The following ITGA8 variants were observed in gnomAD, a reference collection of about 807,000 sequenced individuals.
ITGA8 encodes the protein integrin alpha-8.
In ITGA8, 91 loss-of-function variants were observed where a neutral mutation model predicts 142.3. The ratio of observed to expected loss-of-function variants is 0.64; its 90% CI spans 0.54 to 0.76. ITGA8 has a LOEUF of 0.76. Among genes scored for constraint, ITGA8 ranks in the 30% least tolerant of loss-of-function variants. The probability of loss-of-function intolerance (pLI) is 0.00; values close to 1 mark genes in which losing one functional copy is unlikely to be tolerated. For missense variants in ITGA8, 1,406 were observed against 1,327.7 expected (o/e 1.06, Z -0.92); for synonymous variants, 505 against 485.2 (o/e 1.04, Z -0.54).
chr10:15,591,405 A>ATATATTATATTATATTATATTATAT (rs3041564), intron 22 of ITGA8, among the ~76,000 whole-genome samples: 7 of 143,760 alleles, frequency 4.9e-5, no homozygotes, highest in African/African-American at 1.5e-4. Flanking sequence ...CTGTATTAAT[A>ATATATTATATTATATTATATTATAT]TATATTATAT....
At chr10:15,677,160 C>T (rs1834645758) in intron 6 of ITGA8, among the ~76,000 whole-genome samples, 1 of 152,096 alleles carries the variant, frequency 6.6e-6, no homozygotes, top group Non-Finnish European at 1.5e-5. Context: ...CAGGTATAGC[C>T]AGAGATGGGT....
chr10:15,708,021 G>A (rs558963538), intron 2 of ITGA8, among the ~76,000 whole-genome samples: 1 of 145,906 alleles, frequency 6.9e-6, no homozygotes, highest in Non-Finnish European at 1.5e-5. Flanking sequence ...CTTGACCTTC[G>A]CTTTCTTTTC....
chr10:15,709,672 T>C (rs1835328275), intron 2 of ITGA8, among the ~76,000 whole-genome samples: 1 of 152,180 alleles, frequency 6.6e-6, no homozygotes, highest in African/African-American at 2.4e-5. Flanking sequence ...CTGATTGCAG[T>C]ATAAATAGAC....
intron 23 of ITGA8, among the ~76,000 whole-genome samples, chr10:15,576,946 A>T (rs1373652963): frequency 6.6e-6 from 1 of 152,180 alleles, no homozygotes; most frequent in Non-Finnish European, 1.5e-5. Flanking sequence ...TTGGTTTGTC[A>T]TTATGCTATG....
In ITGA8 at chr10:15,548,408, C is replaced by T. The variant is rs78721642; in HGVS notation, c.2880+47G>A. ...GACTTCCCACTGAGCTTTTGTGAAG[C>T]AGCTCCCAGTGAGCAGTGTGTATGT... On this transcript the variant is annotated intron_variant, in intron 27 of 29. Coordinates refer to ENST00000378076, the MANE Select transcript of ITGA8 (RefSeq NM_003638.3). 15,038 of 1,291,282 alleles carry T rather than the reference C, an allele frequency of 0.012. 1,280 individuals carry two copies. The African/African-American group carries it at 0.19, about 17-fold the overall frequency. 80.0% of individuals were successfully genotyped at this position (1,291,282 alleles called of 1,614,324 possible). A position where few individuals can be genotyped will look rare whatever the true frequency, so the allele number is the denominator to read the frequency against.
chr10:15,620,078 G>T (rs1564377784), intron 13 of ITGA8, among the ~76,000 whole-genome samples: 1 of 152,234 alleles, frequency 6.6e-6, no homozygotes, highest in African/African-American at 2.4e-5. Flanking sequence ...GAATGGTATG[G>T]GTTGAAATAA....
At chr10:15,538,246 C>T (rs905694017) in intron 27 of ITGA8, among the ~76,000 whole-genome samples, 3 of 152,200 alleles carry the variant, frequency 2.0e-5, no homozygotes, top group African/African-American at 7.2e-5. Context: ...GGTGCAGTGG[C>T]TCATGCCTGT....
At chr10:15,669,544 T>C (rs1834467270) in intron 8 of ITGA8, among the ~76,000 whole-genome samples, 1 of 152,220 alleles carries the variant, frequency 6.6e-6, no homozygotes, top group East Asian at 1.9e-4. Context: ...CCATCCAGCT[T>C]TGTTCCATTG....
chr10:15,614,297 C>T (rs188057178), intron 14 of ITGA8, among the ~76,000 whole-genome samples: 6 of 152,178 alleles, frequency 3.9e-5, no homozygotes, highest in African/African-American at 1.4e-4. Context: ...GCTAAATACA[C>T]GAAGCAGGGT....
rs183592126 is a variant in ITGA8 at position 15,640,269 on chromosome 10, A to C, written c.1399+3761T>G. 6.5e-3 allele frequency among the ~76,000 whole-genome samples: 991 copies of C among 152,308 alleles called. 6 individuals carry two copies. Among genetic ancestry groups the C allele is most frequent in the Admixed American group, 0.017 (266 of 15,302 alleles). On this transcript the variant is annotated intron_variant, in intron 13 of 29. Coordinates refer to ENST00000378076, the MANE Select transcript of ITGA8 (RefSeq NM_003638.3). ...GGGTGTCAGGTCTTCCTCATAGACA[A>C]GGAATGGATCTCTGGGCTGGCCACT...
chr10:15,677,212 T>C (rs559591476), intron 6 of ITGA8, among the ~76,000 whole-genome samples: 27 of 152,292 alleles, frequency 1.8e-4, no homozygotes, highest in African/African-American at 6.5e-4. Context: ...GAATAAGTTC[T>C]AACATTCTAT....
intron 20 of ITGA8, 136 bp downstream of exon 20, chr10:15,604,072 T>C (rs1332415150): frequency 1.3e-5 from 10 of 764,418 alleles, no homozygotes; most frequent in Non-Finnish European, 2.2e-5. Flanking sequence ...ATTGCTGTTA[T>C]GATTTAACAA....
At chr10:15,644,468 ATATATATATATATATATATATATAGAAT>A (rs1189137472) in intron 12 of ITGA8, among the ~76,000 whole-genome samples, 5 of 24,228 alleles carry the variant, frequency 2.1e-4, no homozygotes, top group Admixed American at 7.8e-4. Flanking sequence ...ATATATATAT[ATATATATATATATATATATATATAGAAT>A]TTTTTTTTTT....
chr10:15,584,726 A>AT (rs1223465420), intron 23 of ITGA8, among the ~76,000 whole-genome samples: 1 of 152,198 alleles, frequency 6.6e-6, no homozygotes, highest in Non-Finnish European at 1.5e-5. Context: ...AAAGCCCTGC[A>AT]TTTTCATCCA....
chr10:15,706,421 T>C (rs956644336), intron 2 of ITGA8, among the ~76,000 whole-genome samples: 1 of 152,094 alleles, frequency 6.6e-6, no homozygotes, highest in East Asian at 1.9e-4. Flanking sequence ...TCCTTGTCTA[T>C]AGTCTGTTTT....
rs1210415344 is a variant in ITGA8 at position 15,516,581 on chromosome 10, A to G, written c.*577T>C. On this transcript the variant is annotated 3_prime_UTR_variant, in exon 30 of 30. Coordinates refer to ENST00000378076, the MANE Select transcript of ITGA8 (RefSeq NM_003638.3). ...ATGGAAAATAAATAAATAAACTCTC[A>G]CCCTCACTCACAAGATTATTTTTGT... 1 of 152,136 alleles carries G rather than the reference A, an allele frequency of 6.6e-6. No individual in the cohort carries two copies. The highest frequency in any genetic ancestry group is 1.5e-5 in the Non-Finnish European group (1 of 68,018). 9.4% of individuals were successfully genotyped at this position (152,136 alleles called of 1,614,324 possible).
intron 15 of ITGA8, 21 bp downstream of exon 15, chr10:15,613,639 A>T (rs1833340627): frequency 1.3e-6 from 2 of 1,487,776 alleles, no homozygotes. Flanking sequence ...TTGGAGTTTG[A>T]GAAGCACCGG....
intron 28 of ITGA8, among the ~76,000 whole-genome samples, chr10:15,520,229 T>C (rs1564333567): frequency 6.6e-6 from 1 of 152,072 alleles, no homozygotes; most frequent in Non-Finnish European, 1.5e-5. Context: ...CTTGGCAACA[T>C]GGTGAAACCC....
intron 8 of ITGA8, among the ~76,000 whole-genome samples, chr10:15,670,345 G>C (rs532069936): frequency 6.6e-6 from 1 of 152,106 alleles, no homozygotes; most frequent in Admixed American, 6.5e-5. Flanking sequence ...ACATTATTTT[G>C]AGTTAGTTAA....
Sources: gnomAD v4.1 joint callset for allele counts (sites outside exome capture counted in the v4.1 genomes callset) on GRCh38, gnomAD v4.1.1 for gene constraint, MANE v1.5 for transcripts, NCBI Gene and HGNC (gene_info 2026-07-23, HGNC 2026-07-21) for gene names.